The following TMEM62 variants were observed in gnomAD, a reference collection of about 807,000 sequenced individuals.
The protein encoded by TMEM62 is transmembrane protein 62.
TMEM62 carries 41 observed loss-of-function variants against 70.4 expected under a neutral mutation model. The observed-to-expected ratio is 0.58, with a 90% CI of 0.45 to 0.76. The LOEUF (loss-of-function observed/expected upper bound fraction) is 0.76. Among genes scored for constraint, TMEM62 ranks in the 30% least tolerant of loss-of-function variants. The pLI, the probability that TMEM62 is intolerant of heterozygous loss-of-function variation, is 0.00. For missense variants in TMEM62, 688 were observed against 788.5 expected (o/e 0.87, Z 1.53); for synonymous variants, 268 against 291.0 (o/e 0.92, Z 0.80).
chr15:43,157,841 CATAG>C lies in TMEM62; in HGVS notation c.1183-2831_1183-2828del, dbSNP rs544930923. 7.2e-4 allele frequency among the ~76,000 whole-genome samples: 109 copies of C among 152,268 alleles called. 3 individuals are homozygous for C. The South Asian group carries it at 0.022, about 31-fold the overall frequency. Reference sequence around the variant, plus strand: ...AATGTTCGGTTATCCCAATATGTTACATAGATAGATAGGCAGATAGATAGATAAA... The same window carrying C: ...AATGTTCGGTTATCCCAATATGTTACATAGATAGGCAGATAGATAGATAAA... On this transcript the variant is annotated intron_variant, in intron 9 of 13. Coordinates refer to ENST00000260403, the MANE Select transcript of TMEM62 (RefSeq NM_024956.4).
Position 43,135,664 on chromosome 15 carries a change from C to A in TMEM62, c.430+15C>A. The A allele has an allele frequency of 6.4e-7, 1 of 1,570,526 alleles. No homozygotes were observed. The highest frequency in any genetic ancestry group is 1.4e-5 in the African/African-American group (1 of 72,600). On this transcript the variant is annotated intron_variant, in intron 3 of 13. Transcript: ENST00000260403. ...AGGAAATCATGGTAAGAGCCAAGAG[C>A]CAGATACAATAAAGACAAGAGTTTT...
chr15:43,134,846 G>A (rs2034988724), intron 2 of TMEM62, among the ~76,000 whole-genome samples: 1 of 152,174 alleles, frequency 6.6e-6, no homozygotes, highest in Admixed American at 6.5e-5. Flanking sequence ...TATGACTTAA[G>A]TTTTCTAGAC....
intron 5 of TMEM62, 60 bp from the exon 6 acceptor site, chr15:43,148,695 T>G: frequency 6.3e-7 from 1 of 1,576,670 alleles, no homozygotes; most frequent in Non-Finnish European, 8.6e-7. Flanking sequence ...TCTAATCTGT[T>G]GACATTAGAT....
intron 4 of TMEM62, among the ~76,000 whole-genome samples, chr15:43,142,229 G>A (rs991458077): frequency 2.3e-4 from 34 of 146,608 alleles, no homozygotes; most frequent in African/African-American, 8.6e-4. Context: ...GCAGTGGTGC[G>A]ATCTTGGCTC....
chr15:43,146,510 G>C lies in TMEM62; in HGVS notation c.494G>C (p.Arg165Pro). 1 of 1,612,748 alleles carries C rather than the reference G, an allele frequency of 6.2e-7. No homozygotes were observed. The highest frequency in any genetic ancestry group is 2.2e-5 in the East Asian group (1 of 44,858). ...KNYYRKYSAV[R>P]RDGSFHYVHS... The stretch of plus-strand genomic sequence containing the variant: ...TTTTTTAGGAAATATTCTGCTGTAC[G>C]TAGAGATGGCTCTTTCCATTATGTC... The change falls in exon 5 of 14, where the codon CGT (arginine) becomes CCT (proline). Residue 165 changes from arginine (R) to proline (P), a missense_variant. By Grantham distance (103) the Arg-to-Pro change is moderately radical. Transcript: ENST00000260403.
chr15:43,139,072 G>C (rs2035640289), intron 4 of TMEM62, among the ~76,000 whole-genome samples: 1 of 152,166 alleles, frequency 6.6e-6, no homozygotes, highest in African/African-American at 2.4e-5. Context: ...CCTTGAGCAA[G>C]TCTATGGGAG....
intron 9 of TMEM62, 93 bp downstream of exon 9, chr15:43,154,924 C>T: frequency 8.4e-7 from 1 of 1,194,686 alleles, no homozygotes; most frequent in Non-Finnish European, 1.1e-6. Context: ...GGTAATGAAA[C>T]CATGTTTAAA....
intron 13 of TMEM62, among the ~76,000 whole-genome samples, chr15:43,183,237 T>C (rs892688443): frequency 3.3e-5 from 5 of 152,232 alleles, no homozygotes; most frequent in African/African-American, 1.2e-4. Flanking sequence ...CTTCTCTCCA[T>C]TTCTGTTTTC....
chr15:43,133,647 C>T lies in TMEM62; in HGVS notation c.-156C>T, dbSNP rs958550816. ...GGCTGACGGGCGCAGCACCCTAGGC[C>T]CAGTGTCTGGCTCCAGCCCCGCATC... On this transcript the variant is annotated 5_prime_UTR_variant, in exon 1 of 14. Transcript: ENST00000260403. The T allele has an allele frequency of 6.2e-6, 3 of 485,628 alleles. No homozygotes were observed. Among genetic ancestry groups the T allele is most frequent in the Non-Finnish European group, 9.8e-6 (3 of 307,064 alleles). 30.1% of individuals were successfully genotyped at this position (485,628 alleles called of 1,614,324 possible).
intron 13 of TMEM62, among the ~76,000 whole-genome samples, chr15:43,181,918 G>A (rs984380638): frequency 6.6e-6 from 1 of 152,132 alleles, no homozygotes; most frequent in Non-Finnish European, 1.5e-5. Flanking sequence ...GGTAGAAAAA[G>A]TTTTAGATTT....
At position 43,133,906 on chromosome 15, in the gene TMEM62, T is replaced by C. The variant is rs968636173; in HGVS notation, c.104T>C (p.Leu35Pro). ...GGCCTGGCGGGCCAGCCCTCGCCGC[T>C]GCCGCGCCCCGCGCCCCCCAGGAGG... ...HYGLAGQPSP[L>P]PRPAPPRRPH... is the part of the protein sequence containing the mutation. The change falls in exon 1 of 14, where the codon CTG (leucine) becomes CCG (proline). Residue 35 changes from leucine to proline, a missense_variant. Transcript: ENST00000260403. 5 of 1,498,880 alleles carry C rather than the reference T, an allele frequency of 3.3e-6. No homozygotes were observed. Among genetic ancestry groups the C allele is most frequent in the East Asian group, 5.3e-5 (2 of 37,714 alleles). 92.8% of individuals were successfully genotyped at this position (1,498,880 alleles called of 1,614,324 possible). A position where few individuals can be genotyped will look rare whatever the true frequency, so the allele number is the denominator to read the frequency against.
Position 43,134,276 on chromosome 15 carries a change from G to T in TMEM62, c.200G>T (p.Ser67Ile). 3 of 1,614,168 alleles carry T rather than the reference G, an allele frequency of 1.9e-6. No homozygotes were observed. Among genetic ancestry groups the T allele is most frequent in the African/African-American group, 2.7e-5 (2 of 75,038 alleles). The change falls in exon 2 of 14, where the codon AGC (serine) becomes ATC (isoleucine). Residue 67 changes from serine (S) to isoleucine (I), a missense_variant. By Grantham distance (142) the Ser-to-Ile change is moderately radical. Coordinates refer to ENST00000260403, the MANE Select transcript of TMEM62 (RefSeq NM_024956.4). ...CGGCAGATATCCGACATTCACCTGA[G>T]CAGGTTTCGAGATCCAGGCAGAGCG... ...WGLQISDIHL[S>I]RFRDPGRAVD...
chr15:43,169,771 T>C (rs942229453), intron 11 of TMEM62, 94 bp downstream of exon 11: 9 of 1,012,694 alleles, frequency 8.9e-6, no homozygotes, highest in Non-Finnish European at 1.2e-5. Flanking sequence ...TAAGCCAATA[T>C]GAATGACCAT....
chr15:43,145,201 G>T (rs1298392007), intron 4 of TMEM62, among the ~76,000 whole-genome samples: 1 of 104,468 alleles, frequency 9.6e-6, no homozygotes, highest in Non-Finnish European at 1.8e-5. Context: ...CCCTGAAATA[G>T]AATTTTTTTT....
rs764574344 is a variant in TMEM62 at position 43,154,835 on chromosome 15, A to G, written c.1182+4A>G. On this transcript the variant is annotated splice_donor_region_variant and intron_variant, in intron 9 of 13. Transcript: ENST00000260403. ...TAACATAGAAGTAATCGTCCAGGTA[A>G]GTTAGTAATTTATATTTACTATGTA... The G allele has an allele frequency of 1.3e-4, 211 of 1,590,682 alleles. 1 individual carries two copies. Among genetic ancestry groups the G allele is most frequent in the Non-Finnish European group, 1.7e-4 (204 of 1,171,010 alleles).
intron 11 of TMEM62, among the ~76,000 whole-genome samples, chr15:43,178,196 C>A (rs1436380142): frequency 6.6e-6 from 1 of 151,938 alleles, no homozygotes; most frequent in Non-Finnish European, 1.5e-5. Context: ...ATCCTTTGAA[C>A]AAACCACTAT....
At chr15:43,166,962 C>G (rs1243912454) in intron 10 of TMEM62, among the ~76,000 whole-genome samples, 1 of 152,006 alleles carries the variant, frequency 6.6e-6, no homozygotes, top group African/African-American at 2.4e-5. Flanking sequence ...GGCAACCATC[C>G]GATTTCTCAA....
intron 4 of TMEM62, among the ~76,000 whole-genome samples, chr15:43,140,672 G>T (rs2035879385): frequency 1.3e-5 from 2 of 152,158 alleles, no homozygotes; most frequent in African/African-American, 4.8e-5. Flanking sequence ...GATCCACATT[G>T]CCCTGGGGGG....
At chr15:43,165,030 G>A (rs377756653) in intron 10 of TMEM62, among the ~76,000 whole-genome samples, 13 of 152,064 alleles carry the variant, frequency 8.5e-5, no homozygotes, top group African/African-American at 1.4e-4. Flanking sequence ...AATAAATGCC[G>A]TTAGGTAGTC....
Sources: gnomAD v4.1 joint callset for allele counts (sites outside exome capture counted in the v4.1 genomes callset) on GRCh38, gnomAD v4.1.1 for gene constraint, MANE v1.5 for transcripts, NCBI Gene and HGNC (gene_info 2026-07-23, HGNC 2026-07-21) for gene names.